Variants in FSD1L observed in about 807,000 individuals in gnomAD.
FSD1L encodes fibronectin type III and SPRY domain containing 1 like.
FSD1L carries 45 observed loss-of-function variants against 71.6 expected under a neutral mutation model. That is an observed-to-expected ratio of 0.63 (90% CI 0.49 to 0.81). FSD1L has a LOEUF of 0.81. FSD1L is among the 30% of genes least tolerant of loss of function. The pLI is 0.00. For missense variants in FSD1L, 561 were observed against 618.1 expected, an observed-to-expected ratio of 0.91 and a Z score of 0.98; for synonymous variants, 197 against 207.2, an observed-to-expected ratio of 0.95 and a Z score of 0.42.
At chr9:105,525,637 A>G (rs1354377220) in intron 10 of FSD1L, 3 of 1,612,162 alleles carry the variant, frequency 1.9e-6, no homozygotes, top group Non-Finnish European at 2.5e-6. Flanking sequence ...TAGAGAACTT[A>G]GGAACTTGGA....
intron 7 of FSD1L, among the ~76,000 whole-genome samples, chr9:105,502,958 G>A (rs1283688557): frequency 6.7e-6 from 1 of 150,170 alleles, no homozygotes; most frequent in Admixed American, 6.7e-5. Context: ...AACCACTGCA[G>A]CCTCAACCTC....
rs368028575 is a variant in FSD1L, at chr9:105,520,884, C to T, written c.1025+7948C>T. The T allele has an allele frequency of 9.3e-6, 15 of 1,612,220 alleles. No homozygotes were observed. In the East Asian group the frequency reaches 1.1e-4, roughly 12 times the overall value. ...GCAAGAAGATCTCACAAGCTATTTT[C>T]TTGAAGCACTTCTAAAATACATAGT... On this transcript the variant is annotated intron_variant, in intron 10 of 13. Transcript: ENST00000481272.
At chr9:105,506,833 G>A (rs371866593) in intron 8 of FSD1L, among the ~76,000 whole-genome samples, 1 of 151,338 alleles carries the variant, frequency 6.6e-6, no homozygotes, top group Middle Eastern at 3.4e-3. Context: ...GTGCAGTGGC[G>A]GGACCTTGGC....
Position 105,516,186 on chromosome 9 carries a change from G to C in FSD1L, c.1025+3250G>C, listed in dbSNP as rs112903282. On this transcript the variant is annotated intron_variant, in intron 10 of 13. Coordinates refer to ENST00000481272, the MANE Select transcript of FSD1L (RefSeq NM_001145313.3). ...CCATCTCTGAAAAAAAGGCACCAGC[G>C]TCAGTCAGGGACTTATAGATAAAAC... is the stretch of plus-strand genomic sequence containing the variant. Among the ~76,000 whole-genome samples, 1,399 of 152,296 alleles carry C rather than the reference G, an allele frequency of 9.2e-3. 22 individuals are homozygous for C. The highest frequency in any genetic ancestry group is 0.032 in the African/African-American group (1,340 of 41,556).
intron 13 of FSD1L, among the ~76,000 whole-genome samples, chr9:105,546,012 T>G (rs1045940420): frequency 3.3e-5 from 5 of 152,122 alleles, no homozygotes; most frequent in Admixed American, 6.6e-5. Context: ...AAGTTGGTGC[T>G]TTGTATGCTT....
intron 7 of FSD1L, 104 bp downstream of exon 7, chr9:105,484,606 T>C (rs1368268020): frequency 7.5e-6 from 5 of 670,252 alleles, no homozygotes; most frequent in Non-Finnish European, 8.7e-6. Flanking sequence ...AAGTATAGTG[T>C]GATTTTTTTT....
chr9:105,521,996 C>G lies in FSD1L; in HGVS notation c.1025+9060C>G, dbSNP rs112095599. 7,606 of 1,613,256 alleles carry G rather than the reference C, an allele frequency of 4.7e-3. 313 individuals carry two copies. In the African/African-American group the frequency reaches 0.088, roughly 19 times the overall value. ...CAATGGACAAAAAGACTTGGGAACA[C>G]ATGCTGCTTGTGTTGCTCAGAGTCA... On this transcript the variant is annotated intron_variant, in intron 10 of 13. Transcript: ENST00000481272.
chr9:105,515,191 G>A (rs1184275772), intron 10 of FSD1L, among the ~76,000 whole-genome samples: 2 of 152,074 alleles, frequency 1.3e-5, no homozygotes, highest in Admixed American at 6.6e-5. Flanking sequence ...CCTCATCAAC[G>A]CCCGCCTACG....
Position 105,546,346 on chromosome 9 carries a change from G to A in FSD1L, c.1468-12G>A. 1.3e-6 allele frequency: 2 copies of A among 1,505,756 alleles called. No homozygotes were observed. The highest frequency in any genetic ancestry group is 2.7e-5 in the Admixed American group (1 of 37,198). The allele number at this position is 1,505,756 out of a possible 1,614,324, so 93.3% of individuals were successfully genotyped here. A position where few individuals can be genotyped will look rare whatever the true frequency, so the allele number is the denominator to read the frequency against. On this transcript the variant is annotated splice_polypyrimidine_tract_variant and intron_variant, in intron 13 of 13. Transcript: ENST00000481272. ...GATTTGCAATCTGACAGGTTTTTTT[G>A]TCTTTTCTTAGGTATGGTGTGGTGG...
chr9:105,526,214 T>C (rs1241033416), intron 10 of FSD1L: 1 of 1,597,734 alleles, frequency 6.3e-7, no homozygotes, highest in African/African-American at 1.3e-5. Flanking sequence ...CTGATTCCAT[T>C]GTATCAAAAC....
chr9:105,528,578 A>G (rs753855141), intron 10 of FSD1L, among the ~76,000 whole-genome samples: 4 of 152,216 alleles, frequency 2.6e-5, no homozygotes, highest in Non-Finnish European at 5.9e-5. Context: ...CTGGCTAGCT[A>G]TGCAGAAAAC....
chr9:105,522,857 CA>C, intron 10 of FSD1L: 1 of 1,608,862 alleles, frequency 6.2e-7, no homozygotes, highest in Non-Finnish European at 8.5e-7. Flanking sequence ...TGGAAATTCC[CA>C]AAGACCTCCC....
intron 1 of FSD1L, among the ~76,000 whole-genome samples, chr9:105,450,988 G>C (rs1202921324): frequency 1.3e-5 from 2 of 151,662 alleles, no homozygotes; most frequent in African/African-American, 4.8e-5. Flanking sequence ...ACGAAGTCTC[G>C]CTCTGTGGCC....
At chr9:105,523,870 G>T (rs1835338345) in intron 10 of FSD1L, 2 of 1,593,676 alleles carry the variant, frequency 1.3e-6, no homozygotes, top group South Asian at 2.2e-5. Context: ...GGTTTGCCTG[G>T]TGCCACAATG....
At chr9:105,543,607 C>T (rs1297828326) in intron 13 of FSD1L, among the ~76,000 whole-genome samples, 7 of 151,976 alleles carry the variant, frequency 4.6e-5, no homozygotes, top group African/African-American at 1.2e-4. Flanking sequence ...CAACAGGCCC[C>T]GGTGTGTGAT....
At chr9:105,545,052 T>C (rs1334718126) in intron 13 of FSD1L, among the ~76,000 whole-genome samples, 7 of 152,150 alleles carry the variant, frequency 4.6e-5, no homozygotes, top group South Asian at 2.1e-4. Context: ...ATTCTTCCTA[T>C]CCATGAGCAT....
At chr9:105,481,405 C>G (rs1328370176) in intron 6 of FSD1L, among the ~76,000 whole-genome samples, 2 of 151,030 alleles carry the variant, frequency 1.3e-5, no homozygotes, top group Admixed American at 6.6e-5. Flanking sequence ...CTGCCTCAGC[C>G]TCCCAAGTAG....
At chr9:105,442,262 G>A in the FSD1L span, among the ~76,000 whole-genome samples, 413 of 152,268 alleles carry the variant, frequency 2.7e-3, 5 homozygotes, top group African/African-American at 9.6e-3. Context: ...GTGACGGTGG[G>A]GAGAGGAGAT....
At chr9:105,452,460 G>A (rs78311296) in intron 1 of FSD1L, among the ~76,000 whole-genome samples, 1,619 of 152,302 alleles carry the variant, frequency 0.011, 31 homozygotes, top group African/African-American at 0.038. Flanking sequence ...CTGGATTCAA[G>A]TCAAGTTTTT....
Sources: gnomAD v4.1 joint callset for allele counts (sites outside exome capture counted in the v4.1 genomes callset) on GRCh38, gnomAD v4.1.1 for gene constraint, MANE v1.5 for transcripts, NCBI Gene and HGNC (gene_info 2026-07-23, HGNC 2026-07-21) for gene names.